Variants in COL12A1 observed in about 807,000 individuals in gnomAD.
COL12A1 encodes collagen type XII alpha 1 chain, also known as collagen alpha-1(XII) chain.
A neutral mutation model predicts 349.7 loss-of-function variants in COL12A1; 114 were observed. The ratio of observed to expected loss-of-function variants is 0.33; its 90% CI spans 0.28 to 0.38. The LOEUF is 0.38. Ranked by LOEUF, COL12A1 falls within the 10% of genes least tolerant of loss-of-function variation. The pLI is 1.00. For synonymous variants in COL12A1, 1,369 were observed against 1,329.0 expected (o/e 1.03, Z -0.66); for missense variants, 3,284 against 3,756.9 (o/e 0.87, Z 3.29).
intron 7 of COL12A1, 23 bp downstream of exon 7, chr6:75,189,194 A>G: frequency 6.2e-7 from 1 of 1,608,120 alleles, no homozygotes; most frequent in Non-Finnish European, 8.5e-7. Context: ...TAAAATGGAA[A>G]TAATTAACTG....
Position 75,091,313 on chromosome 6 carries a change from G to T in COL12A1, c.8752+10C>A. 6.2e-7 allele frequency: 1 copy of T among 1,609,516 alleles called. No individual in the cohort carries two copies. The highest frequency in any genetic ancestry group is 8.5e-7 in the Non-Finnish European group (1 of 1,178,464). ...AACAATTCATACAGTAAAAAGAAAA[G>T]AAATTTTACCACTTATCAATTGTTC... On this transcript the variant is annotated intron_variant, in intron 62 of 65. Coordinates refer to ENST00000322507, the MANE Select transcript of COL12A1 (RefSeq NM_004370.6).
chr6:75,195,402 TTTTTTC>T (rs1770166561), intron 2 of COL12A1, among the ~76,000 whole-genome samples: 4 of 152,266 alleles, frequency 2.6e-5, no homozygotes, highest in Middle Eastern at 6.8e-3. Context: ...ACATAATATG[TTTTTTC>T]CCACAATATG....
chr6:75,197,353 C>A (rs1455412959), intron 2 of COL12A1, among the ~76,000 whole-genome samples: 1 of 144,212 alleles, frequency 6.9e-6, no homozygotes, highest in Non-Finnish European at 1.5e-5. Flanking sequence ...GCTCTTGTTG[C>A]CCAGGCTGGA....
rs1767125076 is a variant in COL12A1, at chr6:75,145,384, T to A, written c.4632A>T (p.Thr1544=). The A allele has an allele frequency of 6.2e-7, 1 of 1,613,884 alleles. No homozygotes were observed. ...DLVPNTEYAV[T]VQAVLHDLTS... The stretch of plus-strand genomic sequence containing the variant: ...TGAGGTCGTGCAGGACAGCCTGGAC[T>A]GTGACTGCATACTCCGTGTTGGGAA... The change falls in exon 25 of 66, where the codon ACA becomes ACT. Residue 1544 remains threonine, a synonymous_variant. Coordinates refer to ENST00000322507, the MANE Select transcript of COL12A1 (RefSeq NM_004370.6).
At chr6:75,131,209 G>T (rs570333528) in intron 35 of COL12A1, among the ~76,000 whole-genome samples, 1 of 152,182 alleles carries the variant, frequency 6.6e-6, no homozygotes, top group South Asian at 2.1e-4. Flanking sequence ...AGTAGCTTCA[G>T]TTATCTCCGT....
intron 58 of COL12A1, 125 bp from the exon 59 acceptor site, chr6:75,097,431 G>A: frequency 1.2e-5 from 7 of 577,064 alleles, no homozygotes; most frequent in East Asian, 9.0e-5. Flanking sequence ...CTGTTTGGGA[G>A]GTAAGCTTTC....
chr6:75,163,170 C>T (rs1007866609), intron 14 of COL12A1, among the ~76,000 whole-genome samples: 1 of 152,072 alleles, frequency 6.6e-6, no homozygotes, highest in African/African-American at 2.4e-5. Context: ...GGATATATAC[C>T]CAAAGGATTA....
intron 13 of COL12A1, among the ~76,000 whole-genome samples, chr6:75,172,920 T>C (rs1768712685): frequency 6.6e-6 from 1 of 152,178 alleles, no homozygotes; most frequent in Non-Finnish European, 1.5e-5. Flanking sequence ...ACAGGTTCCC[T>C]AGGGCCGACT....
chr6:75,119,427 A>G lies in COL12A1; in HGVS notation c.7133T>C (p.Leu2378Pro). The change falls in exon 45 of 66, where the codon CTG (leucine) becomes CCG (proline). Residue 2378 changes from leucine to proline, a missense_variant. By Grantham distance (98) the Leu-to-Pro change is moderately conservative (BLOSUM62 -3). Transcript: ENST00000322507. ...TAGGGCCTTGTCATTGTACGTGTTCAGCTTGAACTCAGACTTGACCTCATC... is the reference window on the plus strand; with the variant it reads ...TAGGGCCTTGTCATTGTACGTGTTCGGCTTGAACTCAGACTTGACCTCATC... ...YSDEVKSEFK[L>P]NTYNDKALAL... 1.3e-5 allele frequency: 21 copies of G among 1,613,934 alleles called. No individual in the cohort carries two copies. The highest frequency in any genetic ancestry group is 1.7e-5 in the Non-Finnish European group (20 of 1,179,890).
At chr6:75,100,320 T>C (rs1265317791) in intron 58 of COL12A1, among the ~76,000 whole-genome samples, 1 of 152,046 alleles carries the variant, frequency 6.6e-6, no homozygotes, top group African/African-American at 2.4e-5. Flanking sequence ...GAAGCCCACA[T>C]TGGGGTGGAT....
rs1296304881 is a variant in COL12A1 at position 75,183,572 on chromosome 6, C to A, written c.1369G>T (p.Val457Phe). 1.2e-6 allele frequency: 2 copies of A among 1,613,970 alleles called. No homozygotes were observed. The highest frequency in any genetic ancestry group is 1.7e-6 in the Non-Finnish European group (2 of 1,180,012). Reference protein sequence around the residue: ...GSYSIGIANFVKVRAFLEVLV... With the variant: ...GSYSIGIANFFKVRAFLEVLV... ...ACTTCCAAAAAGGCTCTAACTTTAA[C>A]AAAGTTTGCAATCCCAATGCTATAG... The change falls in exon 10 of 66, where the codon GTT (valine) becomes TTT (phenylalanine). Residue 457 changes from valine (V) to phenylalanine (F), a missense_variant. Around this residue, in one of 2 missense-constraint regions of COL12A1, gnomAD observed 2,601 missense variants for 2,824.8 expected, o/e 0.92. Coordinates refer to ENST00000322507, the MANE Select transcript of COL12A1 (RefSeq NM_004370.6).
At chr6:75,105,389 C>T in intron 53 of COL12A1, 97 bp from the exon 54 acceptor site, 1 of 780,008 alleles carries the variant, frequency 1.3e-6, no homozygotes, top group Non-Finnish European at 2.1e-6. Flanking sequence ...GTCTGTTTCC[C>T]AACTTAAAGA....
intron 21 of COL12A1, 26 bp from the exon 22 acceptor site, chr6:75,148,523 A>G (rs778258895): frequency 6.3e-7 from 1 of 1,593,804 alleles, no homozygotes; most frequent in South Asian, 1.1e-5. Flanking sequence ...AAGGGTATAC[A>G]CTTTTCTCAT....
At chr6:75,173,046 C>T (rs1183224777) in intron 13 of COL12A1, among the ~76,000 whole-genome samples, 1 of 152,182 alleles carries the variant, frequency 6.6e-6, no homozygotes, top group African/African-American at 2.4e-5. Flanking sequence ...TTTTAGATAT[C>T]AGATCTAAAG....
rs1175776877 is a variant in COL12A1 at position 75,128,169 on chromosome 6, CA to C, written c.6340+126del. 3.6e-5 allele frequency: 27 copies of C among 752,426 alleles called. No homozygotes were observed. In the African/African-American group the frequency reaches 4.9e-4, roughly 14 times the overall value. The allele number at this position is 752,426 out of a possible 1,614,324, so 46.6% of individuals were successfully genotyped here. A position where few individuals can be genotyped will look rare whatever the true frequency, so the allele number is the denominator to read the frequency against. On this transcript the variant is annotated intron_variant, in intron 38 of 65. Coordinates refer to ENST00000322507, the MANE Select transcript of COL12A1 (RefSeq NM_004370.6). ...AATTTAATGTCTAATAAAAATAATA[CA>C]ATATTAGTGTGGTATTTGAGATGTA...
At chr6:75,131,666 A>C (rs1039281004) in intron 35 of COL12A1, among the ~76,000 whole-genome samples, 4 of 152,208 alleles carry the variant, frequency 2.6e-5, no homozygotes, top group Non-Finnish European at 5.9e-5. Context: ...ACTTTAAACT[A>C]TTTTCATAAC....
rs559168202 is a variant in COL12A1 at position 75,137,527 on chromosome 6, G to A, written c.5304C>T (p.Ser1768=). The change falls in exon 31 of 66, where the codon AGC becomes AGT. Residue 1768 remains serine, a synonymous_variant. Coordinates refer to ENST00000322507, the MANE Select transcript of COL12A1 (RefSeq NM_004370.6). ...TAGCAGGATCCCACTTAACAGTCAG[G>A]CTGTTAGATGTTGCATTGTACACTT... ...NLQVYNATSN[S]LTVKWDPASG... The A allele has an allele frequency of 1.2e-6, 2 of 1,613,472 alleles. No homozygotes were observed.
chr6:75,159,029 C>T (rs1459503841), intron 14 of COL12A1, among the ~76,000 whole-genome samples: 1 of 151,806 alleles, frequency 6.6e-6, no homozygotes, highest in Non-Finnish European at 1.5e-5. Context: ...GTGTAGTGAA[C>T]CCCAAACACA....
intron 8 of COL12A1, among the ~76,000 whole-genome samples, chr6:75,185,021 G>A (rs377014076): frequency 8.5e-5 from 13 of 152,280 alleles, no homozygotes; most frequent in African/African-American, 3.1e-4. Flanking sequence ...TGTTTATACT[G>A]AATAGGCAAA....
Sources: allele counts gnomAD v4.1 joint callset (sites outside exome capture counted in the v4.1 genomes callset), GRCh38; gene constraint gnomAD v4.1.1; regional missense constraint gnomAD v4.1.1; transcripts MANE v1.5; gene names NCBI Gene and HGNC (gene_info 2026-07-23, HGNC 2026-07-21).